The following AMPH variants were observed in gnomAD, a reference collection of about 807,000 sequenced individuals.
The protein encoded by AMPH is amphiphysin, also known as amphiphysin (Stiff-Mann syndrome with breast cancer 128kD autoantigen).
A neutral mutation model predicts 99.1 loss-of-function variants in AMPH; 49 were observed. The ratio of observed to expected loss-of-function variants is 0.49; its 90% confidence interval spans 0.39 to 0.63. The LOEUF (loss-of-function observed/expected upper bound fraction) is 0.63. Among genes scored for constraint, AMPH ranks in the 20% least tolerant of loss-of-function variants. The pLI is 0.00. For synonymous variants in AMPH, 314 were observed against 317.3 expected (o/e 0.99, Z 0.11); for missense variants, 759 against 863.4 (o/e 0.88, Z 1.52).
intron 2 of AMPH, among the ~76,000 whole-genome samples, chr7:38,517,682 T>C (rs1789801373): frequency 6.6e-6 from 1 of 152,190 alleles, no homozygotes; most frequent in African/African-American, 2.4e-5. Context: ...CAACTACATA[T>C]AGTGGAATGC....
intron 1 of AMPH, among the ~76,000 whole-genome samples, chr7:38,620,354 GTGTGTGTGTC>G (rs1794010635): frequency 6.8e-6 from 1 of 147,896 alleles, no homozygotes. Flanking sequence ...GTGTGTGTGT[GTGTGTGTGTC>G]TGTGTGTGTG....
rs1221785334 is a variant in AMPH at position 38,538,800 on chromosome 7, G to T, written c.70-3789C>A. On this transcript the variant is annotated intron_variant, in intron 1 of 20. Coordinates refer to ENST00000356264, the MANE Select transcript of AMPH (RefSeq NM_001635.4). Reference sequence around the variant, plus strand: ...GTGAAGGATGACCTCAGATTTCTTTGGGGGAGACTGAGTAGGCATTGATTC... The same window carrying T: ...GTGAAGGATGACCTCAGATTTCTTTTGGGGAGACTGAGTAGGCATTGATTC... 2.0e-5 allele frequency among the ~76,000 whole-genome samples: 3 copies of T among 152,182 alleles called. No homozygotes were observed. In the East Asian group the frequency reaches 5.8e-4, roughly 29 times the overall value.
chr7:38,546,892 C>T (rs1791014063), intron 1 of AMPH, among the ~76,000 whole-genome samples: 1 of 152,208 alleles, frequency 6.6e-6, no homozygotes, highest in South Asian at 2.1e-4. Flanking sequence ...CCACCCTTCT[C>T]CACACTGCTG....
chr7:38,465,378 G>T (rs1027996887), intron 9 of AMPH, 89 bp downstream of exon 9: 1 of 1,135,944 alleles, frequency 8.8e-7, no homozygotes, highest in South Asian at 1.6e-5. Context: ...GACTTTTGTA[G>T]GATAAATAAA....
rs67603609 is a variant in AMPH, at chr7:38,503,503, T to TG, written c.205+146dup. ...TCAATGGGAATTTGGGGCGGGGGGG[T>TG]GGGTGGTGGAATGGAACACCTGTGT... On this transcript the variant is annotated intron_variant, in intron 3 of 20. Coordinates refer to ENST00000356264, the MANE Select transcript of AMPH (RefSeq NM_001635.4). The TG allele has an allele frequency of 1.0e-4, 50 of 485,304 alleles. No homozygotes were observed. In the Admixed American group the frequency reaches 1.3e-3, roughly 13 times the overall value. 30.1% of individuals were successfully genotyped at this position (485,304 alleles called of 1,614,324 possible).
intron 17 of AMPH, among the ~76,000 whole-genome samples, chr7:38,403,909 G>A (rs1784912186): frequency 6.6e-6 from 1 of 152,184 alleles, no homozygotes; most frequent in Non-Finnish European, 1.5e-5. Context: ...CAGTGAAAGT[G>A]AGCCTATGCC....
At chr7:38,601,925 G>A (rs745457485) in intron 1 of AMPH, among the ~76,000 whole-genome samples, 8 of 152,196 alleles carry the variant, frequency 5.3e-5, no homozygotes, top group Non-Finnish European at 1.0e-4. Context: ...GAAAACTACC[G>A]AAGGCCTGTG....
chr7:38,441,441 A>G (rs1161287763), intron 11 of AMPH, among the ~76,000 whole-genome samples: 2 of 152,108 alleles, frequency 1.3e-5, no homozygotes, highest in African/African-American at 4.8e-5. Context: ...TCAAGTGCAC[A>G]TGGAAATGTA....
chr7:38,451,457 A>G (rs987880411), intron 11 of AMPH, among the ~76,000 whole-genome samples: 2 of 143,762 alleles, frequency 1.4e-5, no homozygotes, highest in African/African-American at 5.2e-5. Flanking sequence ...TCTTGTTAGA[A>G]TCATATTTAT....
At chr7:38,495,310 A>G (rs1212827194) in intron 3 of AMPH, among the ~76,000 whole-genome samples, 1 of 152,224 alleles carries the variant, frequency 6.6e-6, no homozygotes, top group African/African-American at 2.4e-5. Context: ...GAAATAAATG[A>G]GAGCAGTACA....
chr7:38,437,901 T>C (rs1019738626), intron 11 of AMPH, among the ~76,000 whole-genome samples: 8 of 152,216 alleles, frequency 5.3e-5, no homozygotes, highest in Non-Finnish European at 1.0e-4. Context: ...AGAAAGCTGC[T>C]AATATGTCAT....
At chr7:38,516,293 G>C (rs1789737870) in intron 2 of AMPH, among the ~76,000 whole-genome samples, 2 of 152,148 alleles carry the variant, frequency 1.3e-5, no homozygotes, top group Admixed American at 6.5e-5. Flanking sequence ...GGTTCTGTGG[G>C]CTGGCCCAGG....
intron 17 of AMPH, among the ~76,000 whole-genome samples, chr7:38,398,180 C>A (rs1784729945): frequency 1.1e-5 from 1 of 93,730 alleles, no homozygotes; most frequent in African/African-American, 5.0e-5. Context: ...TAGGTATATA[C>A]TCAAAAAAAA....
At chr7:38,396,466 G>T (rs1784672781) in intron 17 of AMPH, among the ~76,000 whole-genome samples, 1 of 152,112 alleles carries the variant, frequency 6.6e-6, no homozygotes, top group Non-Finnish European at 1.5e-5. Flanking sequence ...TCTTTCTTTT[G>T]CAAATTGCCC....
chr7:38,541,464 G>A (rs896049138), intron 1 of AMPH, among the ~76,000 whole-genome samples: 3 of 152,124 alleles, frequency 2.0e-5, no homozygotes, highest in African/African-American at 4.8e-5. Flanking sequence ...TGCATCCTTC[G>A]GTGTGGTTCA....
At chr7:38,395,933 A>T (rs1431187678) in intron 17 of AMPH, among the ~76,000 whole-genome samples, 1 of 152,246 alleles carries the variant, frequency 6.6e-6, no homozygotes, top group African/African-American at 2.4e-5. Flanking sequence ...CCTGTTACAG[A>T]ATATATACAG....
intron 5 of AMPH, among the ~76,000 whole-genome samples, chr7:38,481,824 A>G (rs1788294312): frequency 6.6e-6 from 1 of 152,222 alleles, no homozygotes; most frequent in Non-Finnish European, 1.5e-5. Context: ...TTCTCCACTG[A>G]GTATTTTTGT....
At chr7:38,465,963 T>C (rs1787635644) in intron 8 of AMPH, among the ~76,000 whole-genome samples, 1 of 152,088 alleles carries the variant, frequency 6.6e-6, no homozygotes, top group African/African-American at 2.4e-5. Context: ...AACAACACTG[T>C]AAAACTGTGG....
chr7:38,501,662 A>C (rs1177964582), intron 3 of AMPH, among the ~76,000 whole-genome samples: 2 of 152,040 alleles, frequency 1.3e-5, no homozygotes, highest in Non-Finnish European at 2.9e-5. Flanking sequence ...TGATATTTTT[A>C]TTATTTCATT....
Sources: gnomAD v4.1 joint callset for allele counts (sites outside exome capture counted in the v4.1 genomes callset) on GRCh38, gnomAD v4.1.1 for gene constraint, MANE v1.5 for transcripts, NCBI Gene and HGNC (gene_info 2026-07-23, HGNC 2026-07-21) for gene names.